Variants in RAB28 observed in about 807,000 individuals in gnomAD.
The protein encoded by RAB28 is RAB28, member RAS oncogene family.
A neutral mutation model predicts 31.7 loss-of-function variants in RAB28; 24 were observed. The observed-to-expected ratio is 0.76, with a 90% confidence interval of 0.55 to 1.06. RAB28 has a LOEUF of 1.06. RAB28 is among the 50% of genes least tolerant of loss of function. The probability of loss-of-function intolerance (pLI) is 0.00; values close to 1 mark genes in which losing one functional copy is unlikely to be tolerated. For synonymous variants in RAB28, 100 were observed against 90.4 expected (o/e 1.11, Z -0.60); for missense variants, 254 against 258.5 (o/e 0.98, Z 0.12).
chr4:13,453,075 T>C (rs959760129), intron 4 of RAB28, among the ~76,000 whole-genome samples: 3 of 152,180 alleles, frequency 2.0e-5, no homozygotes. Flanking sequence ...TTTTGTCTGA[T>C]TTATGTATAG....
intron 4 of RAB28, among the ~76,000 whole-genome samples, chr4:13,439,807 G>A (rs567993193): frequency 1.6e-4 from 25 of 152,096 alleles, no homozygotes; most frequent in African/African-American, 5.3e-4. Flanking sequence ...CTGGGGTTTG[G>A]GCTTCTGTTG....
At chr4:13,385,770 A>G (rs907155061) in intron 4 of RAB28, among the ~76,000 whole-genome samples, 1 of 152,164 alleles carries the variant, frequency 6.6e-6, no homozygotes, top group African/African-American at 2.4e-5. Flanking sequence ...AACCACACAA[A>G]AAAGTCTGCA....
intron 6 of RAB28, among the ~76,000 whole-genome samples, chr4:13,369,271 T>C (rs955246935): frequency 7.2e-5 from 11 of 152,190 alleles, no homozygotes; most frequent in Admixed American, 2.6e-4. Context: ...CAAAAAAGAG[T>C]ATGATGAAAA....
chr4:13,377,848 G>T (rs1728980548), intron 5 of RAB28, among the ~76,000 whole-genome samples: 1 of 152,216 alleles, frequency 6.6e-6, no homozygotes, highest in Non-Finnish European at 1.5e-5. Flanking sequence ...CAGCCAAGGG[G>T]ATTTGGTGAC....
intron 4 of RAB28, among the ~76,000 whole-genome samples, chr4:13,415,892 G>A (rs188231801): frequency 3.9e-4 from 60 of 152,330 alleles, no homozygotes; most frequent in Non-Finnish European, 7.1e-4. Flanking sequence ...CTAGGGGATT[G>A]TAAATACACC....
At position 13,392,175 on chromosome 4, in the gene RAB28, T is replaced by A. The variant is rs148417489; in HGVS notation, c.392-10581A>T. 3.3e-3 allele frequency among the ~76,000 whole-genome samples: 504 copies of A among 152,268 alleles called. 3 individuals are homozygous for A. The highest frequency in any genetic ancestry group is 0.012 in the African/African-American group (479 of 41,556). ...CTAGTGGAACACTAACTCTCTAAAT[T>A]TATGTGATGGTTCAGAATTTATTCA... On this transcript the variant is annotated intron_variant, in intron 4 of 6. Coordinates refer to ENST00000330852, the MANE Select transcript of RAB28 (RefSeq NM_001017979.3).
chr4:13,421,086 T>C (rs555817474), intron 4 of RAB28, among the ~76,000 whole-genome samples: 1 of 152,144 alleles, frequency 6.6e-6, no homozygotes, highest in South Asian at 2.1e-4. Flanking sequence ...TGTGCAAAAA[T>C]CACAAGCATT....
chr4:13,442,738 A>T (rs1398049919), intron 4 of RAB28, among the ~76,000 whole-genome samples: 1 of 152,192 alleles, frequency 6.6e-6, no homozygotes, highest in Non-Finnish European at 1.5e-5. Flanking sequence ...GCACTATTAT[A>T]TAACAGATAT....
At chr4:13,433,547 CATA>C (rs1382020445) in intron 4 of RAB28, among the ~76,000 whole-genome samples, 1 of 151,986 alleles carries the variant, frequency 6.6e-6, no homozygotes, top group Non-Finnish European at 1.5e-5. Context: ...AGCCAACAAA[CATA>C]AGAAAAAATG....
At chr4:13,392,706 TAA>T (rs796903156) in intron 4 of RAB28, among the ~76,000 whole-genome samples, 11 of 152,300 alleles carry the variant, frequency 7.2e-5, no homozygotes, top group African/African-American at 2.6e-4. Flanking sequence ...CAAAAAAAGA[TAA>T]GTGTTTTCTT....
intron 4 of RAB28, among the ~76,000 whole-genome samples, chr4:13,396,659 T>C (rs1022015593): frequency 6.6e-6 from 1 of 152,088 alleles, no homozygotes; most frequent in Non-Finnish European, 1.5e-5. Flanking sequence ...TTGTTTCTGG[T>C]ATAAATTTAA....
chr4:13,469,429 T>C (rs1055809404), intron 3 of RAB28, among the ~76,000 whole-genome samples: 20 of 152,042 alleles, frequency 1.3e-4, no homozygotes, highest in Non-Finnish European at 1.9e-4. Flanking sequence ...ATCTTTTACA[T>C]GACCTTTGGA....
chr4:13,373,292 T>C (rs1125319), intron 6 of RAB28, among the ~76,000 whole-genome samples: 116,707 of 152,084 alleles, frequency 0.77, 46,602 homozygotes, highest in East Asian at 0.92. Flanking sequence ...ATCTGAACAA[T>C]CTGGGAAACT....
chr4:13,429,803 AGG>A (rs1209402176), intron 4 of RAB28, among the ~76,000 whole-genome samples: 1 of 152,232 alleles, frequency 6.6e-6, no homozygotes, highest in African/African-American at 2.4e-5. Context: ...TGGAAATGTA[AGG>A]GACACAGAAT....
chr4:13,386,705 TAAAAC>T (rs1049439914), intron 4 of RAB28, among the ~76,000 whole-genome samples: 1 of 152,128 alleles, frequency 6.6e-6, no homozygotes, highest in Non-Finnish European at 1.5e-5. Context: ...CTCAAGTACT[TAAAAC>T]AGAACTACCA....
At chr4:13,443,715 T>G (rs2108943754) in intron 4 of RAB28, among the ~76,000 whole-genome samples, 1 of 152,284 alleles carries the variant, frequency 6.6e-6, no homozygotes, top group South Asian at 2.1e-4. Context: ...TCCAAAGAAC[T>G]ACTCTCTTCT....
intron 4 of RAB28, among the ~76,000 whole-genome samples, chr4:13,402,863 C>T (rs1053652537): frequency 2.0e-5 from 3 of 152,098 alleles, no homozygotes; most frequent in South Asian, 2.1e-4. Context: ...GGCGTGATCA[C>T]GGCTCACTGC....
At chr4:13,375,768 A>AACACACACACACAC (rs377543521) in intron 6 of RAB28, among the ~76,000 whole-genome samples, 12 of 148,166 alleles carry the variant, frequency 8.1e-5, no homozygotes, top group African/African-American at 3.0e-4. Context: ...ATTGTTTTAA[A>AACACACACACACAC]ACACACACAC....
chr4:13,456,872 T>C (rs992374306), intron 4 of RAB28, among the ~76,000 whole-genome samples: 1 of 152,196 alleles, frequency 6.6e-6, no homozygotes, highest in African/African-American at 2.4e-5. Context: ...AATTTAACTT[T>C]TAATAAAAAT....
Sources: allele counts gnomAD v4.1 joint callset (sites outside exome capture counted in the v4.1 genomes callset), GRCh38; gene constraint gnomAD v4.1.1; transcripts MANE v1.5; gene names NCBI Gene and HGNC (gene_info 2026-07-23, HGNC 2026-07-21).